MDGA1: variants seen among roughly 807,000 people sequenced by gnomAD.
MDGA1 encodes the protein MAM domain containing glycosylphosphatidylinositol anchor 1, also known as MAM domain-containing glycosylphosphatidylinositol anchor protein 1.
Under a neutral mutation model 101.5 loss-of-function variants are expected in MDGA1, and 54 were observed. The ratio of observed to expected loss-of-function variants is 0.53; its 90% confidence interval spans 0.43 to 0.67. The LOEUF (loss-of-function observed/expected upper bound fraction) is 0.67. MDGA1 is among the 30% of genes least tolerant of loss of function. The pLI, the probability that MDGA1 is intolerant of heterozygous loss-of-function variation, is 0.00. For missense variants in MDGA1, 1,083 were observed against 1,323.8 expected, an observed-to-expected ratio of 0.82 and a Z score of 2.82; for synonymous variants, 533 against 558.3, an observed-to-expected ratio of 0.95 and a Z score of 0.64.
chr6:37,680,541 G>A (rs528523002), intron 1 of MDGA1, among the ~76,000 whole-genome samples: 4 of 152,366 alleles, frequency 2.6e-5, no homozygotes, highest in Admixed American at 2.0e-4. Context: ...CTAGTCCAGT[G>A]CCCGGCAAAC....
intron 14 of MDGA1, among the ~76,000 whole-genome samples, chr6:37,642,179 C>CTTTT (rs34171567): frequency 1.8e-5 from 2 of 109,348 alleles, no homozygotes; most frequent in African/African-American, 3.3e-5. Context: ...TGGTTTCTTT[C>CTTTT]TTTTTTTTTT....
In MDGA1 at chr6:37,644,454, C is replaced by G. The variant is rs766710675; in HGVS notation, c.2401+43G>C. 34 of 1,499,658 alleles carry G rather than the reference C, an allele frequency of 2.3e-5. 1 individual carries two copies. Among genetic ancestry groups the G allele is most frequent in the Non-Finnish European group, 2.8e-5 (31 of 1,124,030 alleles). The allele number at this position is 1,499,658 out of a possible 1,614,324, so 92.9% of individuals were successfully genotyped here. ...GGGGTGCCCTGGGCCTAGACACCCC[C>G]CTGAAGCAATCCTCCATTTCTGGCA... On this transcript the variant is annotated intron_variant, in intron 13 of 16. Transcript: ENST00000434837.
At chr6:37,669,481 A>G in intron 1 of MDGA1, among the ~76,000 whole-genome samples, 1 of 152,134 alleles carries the variant, frequency 6.6e-6, no homozygotes, top group East Asian at 1.9e-4. Context: ...ATGAGTCCTC[A>G]CTAGTAGTAC....
Position 37,655,098 on chromosome 6 carries a change from G to A in MDGA1, c.580-166C>T. 1 of 791,422 alleles carries A rather than the reference G, an allele frequency of 1.3e-6. No individual in the cohort carries two copies. Among genetic ancestry groups the A allele is most frequent in the Non-Finnish European group, 2.0e-6 (1 of 507,068 alleles). The allele number at this position is 791,422 out of a possible 1,614,324, so 49.0% of individuals were successfully genotyped here. On this transcript the variant is annotated intron_variant, in intron 4 of 16. Coordinates refer to ENST00000434837, the MANE Select transcript of MDGA1 (RefSeq NM_153487.4). This position sits in a 1 kb window ranked among gnomAD's most constrained non-coding sequence, Gnocchi z 5.1. ...TAGCCCCAGGGGTCCTGAGCCTGGG[G>A]TGGATGCTACACTCTCCATAGCCTT... is the stretch of plus-strand genomic sequence containing the variant.
At position 37,650,396 on chromosome 6, in the gene MDGA1, G is replaced by A. The variant is rs1319430423; in HGVS notation, c.1322C>T (p.Thr441Ile). Residue 441 changes from threonine to isoleucine, a missense_variant, in exon 8 of 17, where the codon ACC becomes ATC. Coordinates refer to ENST00000434837, the MANE Select transcript of MDGA1 (RefSeq NM_153487.4). Reference protein sequence around the residue: ...VNISSETVPPTISVPKGRAVV... With the variant: ...VNISSETVPPIISVPKGRAVV... ...GGCCCTACCCTTGGGCACACTGATG[G>A]TGGGCGGCACTGTGGGGGTGATGGT... is the stretch of plus-strand genomic sequence containing the variant. 1.3e-6 allele frequency: 2 copies of A among 1,548,128 alleles called. No individual in the cohort carries two copies. Among genetic ancestry groups the A allele is most frequent in the Non-Finnish European group, 1.7e-6 (2 of 1,144,726 alleles).
intron 8 of MDGA1, chr6:37,649,882 T>C (rs1306125620): frequency 1.4e-6 from 1 of 711,474 alleles, no homozygotes; most frequent in African/African-American, 1.7e-5. Context: ...TTTTTTTTTG[T>C]TCACCGGGTC....
intron 2 of MDGA1, among the ~76,000 whole-genome samples, chr6:37,659,566 G>T (rs2114042043): frequency 1.3e-5 from 2 of 152,302 alleles, no homozygotes; most frequent in South Asian, 4.1e-4. Flanking sequence ...AGAGATAGGG[G>T]CAGTGGGTAG....
In MDGA1 at chr6:37,655,540, T is replaced by C; in HGVS notation, c.579+160A>G. The C allele has an allele frequency of 1.6e-6, 1 of 623,236 alleles. No individual in the cohort carries two copies. Among genetic ancestry groups the C allele is most frequent in the South Asian group, 2.1e-5 (1 of 47,630 alleles). 38.6% of individuals were successfully genotyped at this position (623,236 alleles called of 1,614,324 possible). A position where few individuals can be genotyped will look rare whatever the true frequency, so the allele number is the denominator to read the frequency against. On this transcript the variant is annotated intron_variant, in intron 4 of 16. Transcript: ENST00000434837. The surrounding 1 kb of genome is among the most constrained non-coding windows in gnomAD (Gnocchi z 5.1). ...TGCTCCCTGACCTTTCCATCTGATT[T>C]TTCTGCCCCAGGCTGTCTGAACTCC...
intron 1 of MDGA1, among the ~76,000 whole-genome samples, chr6:37,686,791 C>A (rs1206720878): frequency 1.3e-5 from 2 of 152,048 alleles, no homozygotes; most frequent in Admixed American, 1.3e-4. Context: ...GAACCACCAC[C>A]ATGAGAAGAG....
Position 37,633,867 on chromosome 6 carries a change from CTGTG to C in MDGA1, c.*3497_*3500del. On this transcript the variant is annotated 3_prime_UTR_variant, in exon 17 of 17. Coordinates refer to ENST00000434837, the MANE Select transcript of MDGA1 (RefSeq NM_153487.4). ...CCAAGACTGGCTCTACTCAAACTAGCTGTGTGACCTTGGGCCACTCCCCTTCCCC... is the reference window on the plus strand; with the variant it reads ...CCAAGACTGGCTCTACTCAAACTAGCTGACCTTGGGCCACTCCCCTTCCCC... 6.6e-6 allele frequency: 1 copy of C among 152,534 alleles called. No individual in the cohort carries two copies. The highest frequency in any genetic ancestry group is 1.5e-5 in the Non-Finnish European group (1 of 68,184). 9.4% of individuals were successfully genotyped at this position (152,534 alleles called of 1,614,324 possible).
chr6:37,655,690 C>T lies in MDGA1; in HGVS notation c.579+10G>A. The T allele has an allele frequency of 5.0e-6, 8 of 1,596,150 alleles. No individual in the cohort carries two copies. Among genetic ancestry groups the T allele is most frequent in the Non-Finnish European group, 6.8e-6 (8 of 1,170,414 alleles). On this transcript the variant is annotated intron_variant, in intron 4 of 16. Transcript: ENST00000434837. The surrounding 1 kb of genome is among the most constrained non-coding windows in gnomAD (Gnocchi z 5.1). ...AAGTGGTATGGGGCGAGCCAGCTGC[C>T]CATCCTGACCTGAGTGTAGAGGGGC...
At chr6:37,665,972 T>C (rs1452023299) in intron 1 of MDGA1, among the ~76,000 whole-genome samples, 1 of 152,180 alleles carries the variant, frequency 6.6e-6, no homozygotes, top group East Asian at 1.9e-4. Context: ...TCCTTCAAAG[T>C]GACTGCTTTC....
At chr6:37,685,863 C>T (rs1762186654) in intron 1 of MDGA1, among the ~76,000 whole-genome samples, 1 of 152,120 alleles carries the variant, frequency 6.6e-6, no homozygotes, top group African/African-American at 2.4e-5. Context: ...ACCCCCACCC[C>T]ACCTGAGCTA....
chr6:37,696,088 C>T lies in MDGA1; in HGVS notation c.67+657G>A, dbSNP rs1762412784. Among the ~76,000 whole-genome samples, 1 of 151,988 alleles carries T rather than the reference C, an allele frequency of 6.6e-6. No individual in the cohort carries two copies. On this transcript the variant is annotated intron_variant, in intron 1 of 16. Coordinates refer to ENST00000434837, the MANE Select transcript of MDGA1 (RefSeq NM_153487.4). This position sits in a 1 kb window ranked among gnomAD's most constrained non-coding sequence, Gnocchi z 5.6. ...TGTTTGCGTTTTCTGGGGATGGTGG[C>T]TGAATGTATCTGTGTGTGCGCGCAG...
intron 12 of MDGA1, among the ~76,000 whole-genome samples, chr6:37,645,040 G>C: frequency 6.6e-6 from 1 of 152,152 alleles, no homozygotes; most frequent in African/African-American, 2.4e-5. Flanking sequence ...CTAGTGTTAG[G>C]TCTAGTAACT....
At chr6:37,693,152 C>T (rs1354983436) in intron 1 of MDGA1, among the ~76,000 whole-genome samples, 2 of 152,168 alleles carry the variant, frequency 1.3e-5, no homozygotes, top group East Asian at 1.9e-4. Flanking sequence ...CGGAGCTTCT[C>T]GAGGACAAAA....
intron 12 of MDGA1, 130 bp downstream of exon 12, chr6:37,645,803 C>A (rs1200849787): frequency 1.8e-6 from 2 of 1,091,280 alleles, no homozygotes; most frequent in African/African-American, 1.6e-5. Context: ...TGGCCCTACC[C>A]CATGGAAACA....
chr6:37,649,793 C>G, intron 8 of MDGA1: 1 of 565,250 alleles, frequency 1.8e-6, no homozygotes, highest in South Asian at 1.7e-5. Context: ...TTTCATCATC[C>G]TGTTATCAGA....
chr6:37,687,473 G>A (rs1414630614), intron 1 of MDGA1, among the ~76,000 whole-genome samples: 3 of 151,930 alleles, frequency 2.0e-5, no homozygotes, highest in Non-Finnish European at 4.4e-5. Flanking sequence ...CGAGGCTGAG[G>A]TGGGAGGATT....
Sources: gnomAD v4.1 joint callset for allele counts (sites outside exome capture counted in the v4.1 genomes callset) on GRCh38, gnomAD v4.1.1 for gene constraint, Gnocchi (gnomAD v3.1) non-coding constraint, MANE v1.5 for transcripts, NCBI Gene and HGNC (gene_info 2026-07-23, HGNC 2026-07-21) for gene names.